ARHGAP10: variants seen among roughly 807,000 people sequenced by gnomAD.
The protein encoded by ARHGAP10 is Rho GTPase activating protein 10, also known as rho GTPase-activating protein 10.
ARHGAP10 carries 87 observed loss-of-function variants against 108.6 expected under a neutral mutation model. That is an observed-to-expected ratio of 0.80 (90% confidence interval 0.67 to 0.96). The LOEUF is 0.96. ARHGAP10 is among the 40% of genes least tolerant of loss of function. ARHGAP10 has a pLI of 0.00. For synonymous variants in ARHGAP10, 347 were observed against 341.1 expected, an observed-to-expected ratio of 1.02 and a Z score of -0.19; for missense variants, 939 against 954.5, an observed-to-expected ratio of 0.98 and a Z score of 0.21.
intron 18 of ARHGAP10, among the ~76,000 whole-genome samples, chr4:147,975,195 A>G (rs915507202): frequency 3.9e-5 from 6 of 152,152 alleles, no homozygotes; most frequent in Non-Finnish European, 7.3e-5. Context: ...TTGTGGTAGA[A>G]TGTGTCTTTT....
chr4:147,872,204 C>A (rs543677656), intron 7 of ARHGAP10, among the ~76,000 whole-genome samples: 1 of 151,122 alleles, frequency 6.6e-6, no homozygotes, highest in Non-Finnish European at 1.5e-5. Flanking sequence ...GCGTCTGCGG[C>A]AGGGATGGTG....
rs1403397264 is a variant in ARHGAP10 at position 147,911,662 on chromosome 4, TCTTAA to T, written c.1163-1406_1163-1402del. Among the ~76,000 whole-genome samples the T allele has an allele frequency of 5.9e-5, 9 of 152,228 alleles. 1 individual carries two copies. The East Asian group carries it at 7.7e-4, about 13-fold the overall frequency. Reference sequence around the variant, plus strand: ...CAGGCGTGAGCCACCGCGCCTGGCCTCTTAACTTAATTTTTGAAACAAGAATTGTC... The same window carrying T: ...CAGGCGTGAGCCACCGCGCCTGGCCTCTTAATTTTTGAAACAAGAATTGTC... On this transcript the variant is annotated intron_variant, in intron 12 of 22. Transcript: ENST00000336498.
At chr4:147,985,491 C>T (rs762207194) in intron 18 of ARHGAP10, among the ~76,000 whole-genome samples, 4 of 152,152 alleles carry the variant, frequency 2.6e-5, no homozygotes, top group African/African-American at 9.7e-5. Flanking sequence ...ATGGCTACAG[C>T]GACTCTCCTC....
At chr4:148,009,718 A>T (rs151242926) in intron 18 of ARHGAP10, among the ~76,000 whole-genome samples, 58 of 152,238 alleles carry the variant, frequency 3.8e-4, no homozygotes, top group African/African-American at 1.3e-3. Flanking sequence ...TCCAGAGCCT[A>T]ATTTGGGATC....
At chr4:147,994,472 A>T (rs901751187) in intron 18 of ARHGAP10, among the ~76,000 whole-genome samples, 1 of 152,242 alleles carries the variant, frequency 6.6e-6, no homozygotes, top group Non-Finnish European at 1.5e-5. Flanking sequence ...CCTGTGCCAA[A>T]GTAAATCTCT....
At chr4:148,038,046 G>C (rs970778946) in intron 19 of ARHGAP10, among the ~76,000 whole-genome samples, 12 of 151,968 alleles carry the variant, frequency 7.9e-5, no homozygotes, top group Non-Finnish European at 1.6e-4. Flanking sequence ...TTTGAACTGG[G>C]GTAGGAAAAT....
chr4:147,809,663 C>T (rs1477191598), intron 1 of ARHGAP10, among the ~76,000 whole-genome samples: 1 of 152,122 alleles, frequency 6.6e-6, no homozygotes, highest in Non-Finnish European at 1.5e-5. Flanking sequence ...ACCAGCGGTC[C>T]CCAACCTTTT....
intron 3 of ARHGAP10, among the ~76,000 whole-genome samples, chr4:147,827,468 C>G (rs539955422): frequency 6.6e-6 from 1 of 152,262 alleles, no homozygotes; most frequent in South Asian, 2.1e-4. Flanking sequence ...AGCCCCTAAG[C>G]TTGTGGCTGT....
chr4:147,998,035 G>T lies in ARHGAP10; in HGVS notation c.1717-25228G>T, dbSNP rs543921005. ...ACTTACATTCTGAGAGAAGTTTATA[G>T]CCTTAAGTAACTGTATAGCTGAGTC... On this transcript the variant is annotated intron_variant, in intron 18 of 22. Coordinates refer to ENST00000336498, the MANE Select transcript of ARHGAP10 (RefSeq NM_024605.4). Among the ~76,000 whole-genome samples, 194 of 152,212 alleles carry T rather than the reference G, an allele frequency of 1.3e-3. 2 individuals carry two copies. The highest frequency in any genetic ancestry group is 4.5e-3 in the African/African-American group (185 of 41,540).
chr4:147,801,251 TG>T (rs1170990971), intron 1 of ARHGAP10, among the ~76,000 whole-genome samples: 3 of 152,234 alleles, frequency 2.0e-5, no homozygotes, highest in Admixed American at 6.5e-5. Context: ...GTTAAATGAC[TG>T]GTCCTGGGGC....
At chr4:147,789,991 ATTTTTTTTTTT>A (rs767313173) in intron 1 of ARHGAP10, among the ~76,000 whole-genome samples, 17 of 117,828 alleles carry the variant, frequency 1.4e-4, no homozygotes, top group East Asian at 7.9e-4. Context: ...TGGTGTGTGG[ATTTTTTTTTTT>A]TTTTTTTTTT....
intron 3 of ARHGAP10, among the ~76,000 whole-genome samples, chr4:147,832,640 C>G (rs1211568538): frequency 2.5e-3 from 13 of 5,282 alleles, no homozygotes; most frequent in African/African-American, 2.8e-3. Context: ...GAGCAAGACT[C>G]TGTCTCAAAA....
rs1378274334 is a variant in ARHGAP10, at chr4:147,925,481, G to T, written c.1228+12342G>T. 2.0e-5 allele frequency among the ~76,000 whole-genome samples: 3 copies of T among 152,296 alleles called. No homozygotes were observed. In the Middle Eastern group the frequency reaches 0.01, roughly 518 times the overall value. The stretch of plus-strand genomic sequence containing the variant: ...TAGTACTTAAACCTGAGCTACATGA[G>T]TGATGAGCTTGAAAATTTATTTAGC... On this transcript the variant is annotated intron_variant, in intron 13 of 22. Coordinates refer to ENST00000336498, the MANE Select transcript of ARHGAP10 (RefSeq NM_024605.4).
chr4:147,768,334 G>A (rs571728372), intron 1 of ARHGAP10, among the ~76,000 whole-genome samples: 1 of 152,202 alleles, frequency 6.6e-6, no homozygotes, highest in East Asian at 1.9e-4. Context: ...ACTTTATTAC[G>A]TTGTAAAATA....
intron 8 of ARHGAP10, among the ~76,000 whole-genome samples, chr4:147,876,058 A>G (rs1735044897): frequency 6.6e-6 from 1 of 152,128 alleles, no homozygotes; most frequent in South Asian, 2.1e-4. Context: ...CCGACCTAAA[A>G]ATTTAGTGGT....
At chr4:147,848,231 T>C (rs185547294) in intron 4 of ARHGAP10, among the ~76,000 whole-genome samples, 1 of 152,336 alleles carries the variant, frequency 6.6e-6, no homozygotes, top group African/African-American at 2.4e-5. Flanking sequence ...TGAATTCTCA[T>C]TTAAGTGACT....
chr4:147,999,978 C>T (rs540190902), intron 18 of ARHGAP10, among the ~76,000 whole-genome samples: 62 of 150,790 alleles, frequency 4.1e-4, no homozygotes, highest in African/African-American at 1.3e-3. Context: ...GCACAACGTG[C>T]GGGTTTGTTA....
rs28519574 is a variant in ARHGAP10 at position 148,011,791 on chromosome 4, A to G, written c.1717-11472A>G. The stretch of plus-strand genomic sequence containing the variant: ...TTCTCTTTGGAATTAACTGTAATCT[A>G]TCAGGAGACACCCTGAGAATATTTA... On this transcript the variant is annotated intron_variant, in intron 18 of 22. Transcript: ENST00000336498. Among the ~76,000 whole-genome samples, 1,187 of 152,286 alleles carry G rather than the reference A, an allele frequency of 7.8e-3. 15 individuals carry two copies. Among genetic ancestry groups the G allele is most frequent in the African/African-American group, 0.027 (1,136 of 41,542 alleles).
intron 16 of ARHGAP10, among the ~76,000 whole-genome samples, chr4:147,956,345 G>C (rs1738783988): frequency 6.6e-6 from 1 of 152,126 alleles, no homozygotes; most frequent in Non-Finnish European, 1.5e-5. Flanking sequence ...TGAGGTCCTT[G>C]CTCCAGCCAG....
Sources: allele counts gnomAD v4.1 joint callset (sites outside exome capture counted in the v4.1 genomes callset), GRCh38; gene constraint gnomAD v4.1.1; transcripts MANE v1.5; gene names NCBI Gene and HGNC (gene_info 2026-07-23, HGNC 2026-07-21).